The following NUDT8 variants were observed in gnomAD, a reference collection of about 807,000 sequenced individuals.
NUDT8 encodes mitochondrial coenzyme A diphosphatase NUDT8.
A neutral mutation model predicts 12.5 loss-of-function variants in NUDT8; 14 were observed. The observed-to-expected ratio is 1.12, with a 90% CI of 0.74 to 1.75. The LOEUF (loss-of-function observed/expected upper bound fraction) is 1.75, where lower values mean the gene tolerates loss of function less well. Ranked by LOEUF, NUDT8 falls within the 40% of genes most tolerant of loss-of-function variation. The pLI, the probability that NUDT8 is intolerant of heterozygous loss-of-function variation, is 0.00. For synonymous variants in NUDT8, 163 were observed against 156.2 expected (o/e 1.04, Z -0.33); for missense variants, 337 against 318.5 (o/e 1.06, Z -0.44).
At chr11:67,628,565 C>T in intron 2 of NUDT8, among the ~76,000 whole-genome samples, 165 bp from the exon 3 acceptor site, 1 of 152,196 alleles carries the variant, frequency 6.6e-6, no homozygotes. Context: ...CTCAGGTCCC[C>T]TCAAATGCAC....
At chr11:67,628,454 C>A in intron 2 of NUDT8, 54 bp from the exon 3 acceptor site, 2 of 1,509,392 alleles carry the variant, frequency 1.3e-6, no homozygotes, top group Admixed American at 1.7e-5. Context: ...GGTTTGAAGG[C>A]TGGGGAGGGG....
rs763751695 is a variant in NUDT8, at chr11:67,628,234, T to G, written c.423A>C (p.Ala141=). The G allele has an allele frequency of 6.2e-7, 1 of 1,613,078 alleles. No homozygotes were observed. Among genetic ancestry groups the G allele is most frequent in the South Asian group, 1.1e-5 (1 of 91,078 alleles). ...PNSEEVDEVF[A]LPLAHLLQTQ... is the part of the protein sequence containing the mutation. ...TCTGCAGCAGGTGGGCCAGCGGCAGTGCAAACACCTCATCTACCTGCAGGC... is the reference window on the plus strand; with the variant it reads ...TCTGCAGCAGGTGGGCCAGCGGCAGGGCAAACACCTCATCTACCTGCAGGC... The change falls in exon 4 of 4, where the codon GCA becomes GCC. Residue 141 remains alanine, a synonymous_variant. Coordinates refer to ENST00000376693, the MANE Select transcript of NUDT8 (RefSeq NM_001243750.2).
intron 3 of NUDT8, 28 bp from the exon 4 acceptor site, chr11:67,628,279 C>CA (rs1286622626): frequency 6.2e-7 from 1 of 1,613,586 alleles, no homozygotes; most frequent in East Asian, 2.2e-5. Context: ...AGAGGGTAGA[C>CA]AGAGGACTGG....
At chr11:67,629,675 C>T (rs776993368) in intron 1 of NUDT8, 43 bp downstream of exon 1, 3 of 1,280,694 alleles carry the variant, frequency 2.3e-6, no homozygotes, top group South Asian at 3.1e-5. Flanking sequence ...CCCCGGGCTC[C>T]TGTAGCCTCC....
Position 67,627,938 on chromosome 11 carries a change from T to C in NUDT8, c.*8A>G. The C allele has an allele frequency of 1.3e-6, 2 of 1,561,640 alleles. No homozygotes were observed. Among genetic ancestry groups the C allele is most frequent in the Non-Finnish European group, 1.7e-6 (2 of 1,158,232 alleles). On this transcript the variant is annotated 3_prime_UTR_variant, in exon 4 of 4. Transcript: ENST00000376693. ...CCCAGTACAGCAGAAGCAAGAGCTC[T>C]AGAGCTGTCAAAGACCTTTATTCAG...
chr11:67,628,482 C>G, intron 2 of NUDT8, 82 bp from the exon 3 acceptor site: 1 of 1,217,740 alleles, frequency 8.2e-7, no homozygotes, highest in Non-Finnish European at 1.2e-6. Context: ...GAGGAAGACC[C>G]CTTTGCCATG....
At position 67,629,766 on chromosome 11, in the gene NUDT8, T is replaced by C. The variant is rs769159278; in HGVS notation, c.146A>G (p.Tyr49Cys). The C allele has an allele frequency of 2.6e-6, 4 of 1,541,406 alleles. No individual in the cohort carries two copies. Residue 49 changes from tyrosine to cysteine, a missense_variant, in exon 1 of 4, where the codon TAC becomes TGC. By Grantham distance (194) the Tyr-to-Cys change is radical (BLOSUM62 -2). Transcript: ENST00000376693. ...CSVRGVPALLYTLRSSRLTGR... is the reference protein window; with the variant it reads ...CSVRGVPALLCTLRSSRLTGR... Reference sequence around the variant, plus strand: ...GGTCAGGCGGCTGGACCGCAGCGTGTACAGCAGCGCCGGGACCCCACGCAC... The same window carrying C: ...GGTCAGGCGGCTGGACCGCAGCGTGCACAGCAGCGCCGGGACCCCACGCAC...
At position 67,629,765 on chromosome 11, in the gene NUDT8, G is replaced by A. The variant is rs888841175; in HGVS notation, c.147C>T (p.Tyr49=). 6.5e-7 allele frequency: 1 copy of A among 1,541,622 alleles called. No homozygotes were observed. The highest frequency in any genetic ancestry group is 8.7e-7 in the Non-Finnish European group (1 of 1,152,176). ...CSVRGVPALL[Y]TLRSSRLTGR... ...CGGTCAGGCGGCTGGACCGCAGCGT[G>A]TACAGCAGCGCCGGGACCCCACGCA... Residue 49 remains tyrosine, a synonymous_variant, in exon 1 of 4, where the codon TAC becomes TAT. Transcript: ENST00000376693.
At position 67,628,916 on chromosome 11, in the gene NUDT8, T is replaced by C. The variant is rs2134094766; in HGVS notation, c.327+3A>G. ...GTGGGGTGGCCTCAGCCAAGTGGCT[T>C]ACCGGATCATACACAGGCCGCAGCA... On this transcript the variant is annotated splice_donor_region_variant and intron_variant, in intron 2 of 3. Coordinates refer to ENST00000376693, the MANE Select transcript of NUDT8 (RefSeq NM_001243750.2). 1 of 1,603,640 alleles carries C rather than the reference T, an allele frequency of 6.2e-7. No homozygotes were observed.
chr11:67,629,104 CG>C (rs1374424275), intron 1 of NUDT8, 53 bp from the exon 2 acceptor site: 8 of 1,548,448 alleles, frequency 5.2e-6, no homozygotes, highest in African/African-American at 2.7e-5. Flanking sequence ...ACGGAGAGGT[CG>C]GGGTATCGGC....
Position 67,629,926 on chromosome 11 carries a change from G to A in NUDT8, c.-15C>T, listed in dbSNP as rs563010514. ...TCGGGCAGCATGTCAAGTCCTGCGC[G>A]GCCGGGACACTGAGGGCGCGGGATC... On this transcript the variant is annotated 5_prime_UTR_variant, in exon 1 of 4. Transcript: ENST00000376693. 6 of 1,224,038 alleles carry A rather than the reference G, an allele frequency of 4.9e-6. No individual in the cohort carries two copies. The highest frequency in any genetic ancestry group is 4.3e-5 in the Admixed American group (1 of 23,024). The allele number at this position is 1,224,038 out of a possible 1,614,324, so 75.8% of individuals were successfully genotyped here. A position where few individuals can be genotyped will look rare whatever the true frequency, so the allele number is the denominator to read the frequency against.
Position 67,628,071 on chromosome 11 carries a change from C to CA in NUDT8, c.585dup (p.Gly196TrpfsTer16), listed in dbSNP as rs1346560749. 3.4e-5 allele frequency: 54 copies of CA among 1,598,316 alleles called. No homozygotes were observed. Among genetic ancestry groups the CA allele is most frequent in the Non-Finnish European group, 4.6e-5 (54 of 1,179,796 alleles). ...CCGGCCAGGCGGGGCTGGTAGGTAC[C>CA]AGGTGCCAGCAGCTGCAGGGCAAAC... On this transcript the variant is annotated frameshift_variant, in exon 4 of 4. Transcript: ENST00000376693. LOFTEE classifies it low-confidence loss of function (END_TRUNC).
intron 1 of NUDT8, 75 bp from the exon 2 acceptor site, chr11:67,629,126 G>A (rs986056391): frequency 1.4e-6 from 2 of 1,462,386 alleles, no homozygotes; most frequent in South Asian, 1.3e-5. Flanking sequence ...AGTGCGGGGG[G>A]GGCCACTGGC....
rs569350500 is a variant in NUDT8, at chr11:67,629,343, C to T, written c.195-292G>A. 3.3e-4 allele frequency: 144 copies of T among 442,926 alleles called. 2 individuals are homozygous for T. Among genetic ancestry groups the T allele is most frequent in the African/African-American group, 2.0e-3 (100 of 49,382 alleles). The allele number at this position is 442,926 out of a possible 1,614,324, so 27.4% of individuals were successfully genotyped here. On this transcript the variant is annotated intron_variant, in intron 1 of 3. Coordinates refer to ENST00000376693, the MANE Select transcript of NUDT8 (RefSeq NM_001243750.2). The stretch of plus-strand genomic sequence containing the variant: ...TCGGCCTATGGTGGCCCCAGCAACA[C>T]TGACATTGTCCTCAGGATGTTCTTA...
Position 67,628,208 on chromosome 11 carries a change from G to C in NUDT8, c.449C>G (p.Thr150Arg). 6.2e-7 allele frequency: 1 copy of C among 1,612,096 alleles called. No homozygotes were observed. The highest frequency in any genetic ancestry group is 1.7e-4 in the Middle Eastern group (1 of 6,060). Residue 150 changes from threonine (T) to arginine (R), a missense_variant, in exon 4 of 4, where the codon ACG (threonine) becomes AGG (arginine). Thr to Arg is a moderately conservative substitution (Grantham distance 71). Transcript: ENST00000376693. The part of the protein sequence containing the change: ...FALPLAHLLQ[T>R]QNQGYTHFCR... ...GAAGTGGGTATAGCCCTGATTCTGC[G>C]TCTGCAGCAGGTGGGCCAGCGGCAG... is the stretch of plus-strand genomic sequence containing the variant.
Position 67,629,875 on chromosome 11 carries a change from G to A in NUDT8, c.37C>T (p.Arg13Cys). Reference protein sequence around the residue: ...PDCLSAEGELRCRRLLAGATA... With the variant: ...PDCLSAEGELCCRRLLAGATA... The stretch of plus-strand genomic sequence containing the variant: ...GCCCCTGCCAGCAGCCGGCGGCAGC[G>A]CAGCTCGCCCTCGGCCGACAGGCAG... The change falls in exon 1 of 4, where the codon CGC (arginine) becomes TGC (cysteine). Residue 13 changes from arginine to cysteine, a missense_variant. By Grantham distance (180) the Arg-to-Cys change is radical (BLOSUM62 -3). Transcript: ENST00000376693. The A allele has an allele frequency of 8.0e-7, 1 of 1,247,312 alleles. No individual in the cohort carries two copies. The highest frequency in any genetic ancestry group is 1.0e-6 in the Non-Finnish European group (1 of 1,001,776). 77.3% of individuals were successfully genotyped at this position (1,247,312 alleles called of 1,614,324 possible).
Sources: gnomAD v4.1 joint callset for allele counts (sites outside exome capture counted in the v4.1 genomes callset) on GRCh38, gnomAD v4.1.1 for gene constraint, MANE v1.5 for transcripts, NCBI Gene and HGNC (gene_info 2026-07-23, HGNC 2026-07-21) for gene names.